The following MED26 variants were observed in gnomAD, a reference collection of about 807,000 sequenced individuals.
MED26 encodes mediator complex subunit 26, also known as mediator of RNA polymerase II transcription subunit 26.
A neutral mutation model predicts 43.7 loss-of-function variants in MED26; 7 were observed. That is an observed-to-expected ratio of 0.16 (90% CI 0.09 to 0.30). MED26 has a LOEUF of 0.30. Ranked by LOEUF, MED26 falls within the 10% of genes least tolerant of loss-of-function variation. The pLI is 1.00. For missense variants in MED26, 784 were observed against 840.6 expected (o/e 0.93, Z 0.83); for synonymous variants, 375 against 371.1 (o/e 1.01, Z -0.12).
intron 1 of MED26, among the ~76,000 whole-genome samples, chr19:16,601,556 C>T (rs1025920629): frequency 1.3e-5 from 2 of 152,224 alleles, no homozygotes; most frequent in African/African-American, 4.8e-5. Flanking sequence ...GGCAGGCGAG[C>T]AGACATGTGA....
intron 1 of MED26, among the ~76,000 whole-genome samples, chr19:16,583,253 C>CA (rs1400069504): frequency 3.9e-5 from 6 of 152,170 alleles, no homozygotes; most frequent in South Asian, 2.1e-4. Context: ...GTTCCCAGTC[C>CA]AAAAAAACCT....
chr19:16,620,328 G>A (rs936360338), intron 1 of MED26, among the ~76,000 whole-genome samples: 2 of 152,222 alleles, frequency 1.3e-5, no homozygotes, highest in Non-Finnish European at 2.9e-5. Flanking sequence ...CCTTCCAGCT[G>A]TGTCCGCTGA....
intron 1 of MED26, among the ~76,000 whole-genome samples, chr19:16,616,287 T>C (rs2086225960): frequency 1.3e-5 from 2 of 152,192 alleles, no homozygotes; most frequent in South Asian, 2.1e-4. Flanking sequence ...AACCTAACCT[T>C]GTCGAAGGTT....
At chr19:16,618,017 A>C (rs1468516077) in intron 1 of MED26, among the ~76,000 whole-genome samples, 1 of 152,084 alleles carries the variant, frequency 6.6e-6, no homozygotes, top group Non-Finnish European at 1.5e-5. Flanking sequence ...AGGCTGCAAA[A>C]GAAAGATCAC....
intron 1 of MED26, among the ~76,000 whole-genome samples, chr19:16,583,253 C>T (rs1338753636): frequency 6.6e-6 from 1 of 152,170 alleles, no homozygotes; most frequent in Non-Finnish European, 1.5e-5. Context: ...GTTCCCAGTC[C>T]AAAAAAACCT....
At chr19:16,596,153 C>T (rs1467530926) in intron 1 of MED26, among the ~76,000 whole-genome samples, 1 of 152,220 alleles carries the variant, frequency 6.6e-6, no homozygotes, top group Non-Finnish European at 1.5e-5. Flanking sequence ...GCTAAGATTA[C>T]AGGCAAGCCA....
chr19:16,580,525 C>T (rs193281836), intron 1 of MED26, among the ~76,000 whole-genome samples: 16 of 152,186 alleles, frequency 1.1e-4, no homozygotes, highest in African/African-American at 3.1e-4. Flanking sequence ...CCCGCCACCA[C>T]GCCCAGCTAA....
chr19:16,596,920 T>C (rs950015434), intron 1 of MED26, among the ~76,000 whole-genome samples: 7 of 152,198 alleles, frequency 4.6e-5, no homozygotes, highest in African/African-American at 1.7e-4. Context: ...TGGCCAAGAA[T>C]GAGGTGGGCC....
intron 1 of MED26, among the ~76,000 whole-genome samples, chr19:16,584,139 G>T (rs1214624901): frequency 6.6e-6 from 1 of 151,984 alleles, no homozygotes; most frequent in African/African-American, 2.4e-5. Context: ...TGTAATCCCA[G>T]CTACTCGGGA....
chr19:16,626,886 G>A (rs984156613), intron 1 of MED26, among the ~76,000 whole-genome samples: 1 of 151,936 alleles, frequency 6.6e-6, no homozygotes, highest in African/African-American at 2.4e-5. Flanking sequence ...AGAAACTCTT[G>A]GAGAAAATAT....
Position 16,577,168 on chromosome 19 carries a change from A to G in MED26, c.662T>C (p.Ile221Thr), listed in dbSNP as rs2086012159. Residue 221 changes from isoleucine to threonine, a missense_variant, in exon 3 of 3, where the codon ATC becomes ACC. Physicochemically the swap from Ile to Thr is moderately conservative, Grantham distance 89. Transcript: ENST00000263390. The surrounding 1 kb of genome is among the most constrained non-coding windows in gnomAD (Gnocchi z 8.1). ...RDENDKHSGKIPVNAVRPHTS... is the reference protein window; with the variant it reads ...RDENDKHSGKTPVNAVRPHTS... ...GTGCGGTCGCACGGCGTTGACGGGG[A>G]TCTTGCCACTGTGCTTGTCATTCTC... 1 of 1,613,034 alleles carries G rather than the reference A, an allele frequency of 6.2e-7. No individual in the cohort carries two copies. Among genetic ancestry groups the G allele is most frequent in the Non-Finnish European group, 8.5e-7 (1 of 1,179,906 alleles).
chr19:16,585,163 T>G (rs1044136010), intron 1 of MED26, among the ~76,000 whole-genome samples: 4 of 152,184 alleles, frequency 2.6e-5, no homozygotes, highest in Non-Finnish European at 4.4e-5. Context: ...ACAGACCTGG[T>G]GCAGAAACAG....
intron 1 of MED26, among the ~76,000 whole-genome samples, chr19:16,605,358 T>A (rs2086167815): frequency 6.6e-6 from 1 of 152,166 alleles, no homozygotes. Flanking sequence ...GCCTGGAGTT[T>A]GAGACACCAG....
chr19:16,621,290 A>C (rs1488786674), intron 1 of MED26, among the ~76,000 whole-genome samples: 6 of 152,250 alleles, frequency 3.9e-5, no homozygotes, highest in African/African-American at 9.6e-5. Flanking sequence ...CTACCCTAGA[A>C]GTAATTCAAA....
Position 16,586,556 on chromosome 19 carries a change from A to G in MED26, c.73-8147T>C, listed in dbSNP as rs1048492619. On this transcript the variant is annotated intron_variant, in intron 1 of 2. Transcript: ENST00000263390. This position sits in a 1 kb window ranked among gnomAD's most constrained non-coding sequence, Gnocchi z 5.1. Reference sequence around the variant, plus strand: ...CACCTCCACGGTCTCCGTGTTGTCTATGCCTTGTCCCCAGGATGCCTGAGA... The same window carrying G: ...CACCTCCACGGTCTCCGTGTTGTCTGTGCCTTGTCCCCAGGATGCCTGAGA... Among the ~76,000 whole-genome samples the G allele has an allele frequency of 6.6e-6, 1 of 152,228 alleles. No individual in the cohort carries two copies. The highest frequency in any genetic ancestry group is 1.5e-5 in the Non-Finnish European group (1 of 68,042).
intron 1 of MED26, chr19:16,597,587 T>C (rs571971409): frequency 2.5e-6 from 1 of 396,938 alleles, no homozygotes; most frequent in South Asian, 1.4e-4. Context: ...ACCAACACGG[T>C]CCTGAGTTCA....
At chr19:16,580,527 C>T (rs1272747959) in intron 1 of MED26, among the ~76,000 whole-genome samples, 2 of 152,100 alleles carry the variant, frequency 1.3e-5, no homozygotes, top group African/African-American at 4.8e-5. Context: ...CGCCACCACG[C>T]CCAGCTAATT....
intron 1 of MED26, among the ~76,000 whole-genome samples, chr19:16,584,328 C>T (rs1263286531): frequency 7.1e-6 from 1 of 141,334 alleles, no homozygotes; most frequent in South Asian, 2.3e-4. Flanking sequence ...AAACAAAAAA[C>T]AAAACAAAAA....
chr19:16,626,449 A>C (rs1285908236), intron 1 of MED26, among the ~76,000 whole-genome samples: 2 of 152,224 alleles, frequency 1.3e-5, no homozygotes, highest in Non-Finnish European at 1.5e-5. Context: ...CATAACAAAA[A>C]TGTACAATAT....
Sources: allele counts gnomAD v4.1 joint callset (sites outside exome capture counted in the v4.1 genomes callset), GRCh38; gene constraint gnomAD v4.1.1; non-coding constraint Gnocchi (gnomAD v3.1); transcripts MANE v1.5; gene names NCBI Gene and HGNC (gene_info 2026-07-23, HGNC 2026-07-21).